PDZRN4: variants seen among roughly 807,000 people sequenced by gnomAD.
PDZRN4 encodes PDZ domain-containing RING finger protein 4.
Under a neutral mutation model 99.0 loss-of-function variants are expected in PDZRN4, and 70 were observed. The observed-to-expected ratio is 0.71, with a 90% confidence interval of 0.58 to 0.86. The LOEUF (loss-of-function observed/expected upper bound fraction) is 0.86, where lower values mean the gene tolerates loss of function less well. PDZRN4 is among the 40% of genes least tolerant of loss of function. The probability of loss-of-function intolerance (pLI) is 0.00; values close to 1 mark genes in which losing one functional copy is unlikely to be tolerated. For missense variants in PDZRN4, 1,474 were observed against 1,331.2 expected (o/e 1.11, Z -1.67); for synonymous variants, 551 against 501.6 (o/e 1.10, Z -1.32).
chr12:41,347,998 A>C (rs1565558503), intron 3 of PDZRN4, among the ~76,000 whole-genome samples: 1 of 152,162 alleles, frequency 6.6e-6, no homozygotes, highest in Non-Finnish European at 1.5e-5. Flanking sequence ...ACAAAGAACT[A>C]AGATGTAAAG....
At chr12:41,206,604 C>T (rs1349316640) in intron 3 of PDZRN4, among the ~76,000 whole-genome samples, 3 of 151,572 alleles carry the variant, frequency 2.0e-5, no homozygotes, top group Admixed American at 6.6e-5. Flanking sequence ...GTGCCTTCAA[C>T]ACCCAGTGGC....
chr12:41,274,162 G>C (rs1307834345), intron 3 of PDZRN4, among the ~76,000 whole-genome samples: 2 of 151,860 alleles, frequency 1.3e-5, no homozygotes, highest in African/African-American at 4.8e-5. Context: ...TCAAAAAGTA[G>C]GTCATCCTAA....
chr12:41,399,056 T>G (rs1451396487), intron 3 of PDZRN4, among the ~76,000 whole-genome samples: 1 of 152,154 alleles, frequency 6.6e-6, no homozygotes, highest in Non-Finnish European at 1.5e-5. Flanking sequence ...ATTTGAGTTA[T>G]TGGATCTTAG....
At chr12:41,487,880 C>G (rs147800442) in intron 3 of PDZRN4, among the ~76,000 whole-genome samples, 3 of 152,148 alleles carry the variant, frequency 2.0e-5, no homozygotes. Flanking sequence ...GAAAGTAGTT[C>G]TTCATTCGGT....
rs1952570956 is a variant in PDZRN4, at chr12:41,429,841, C to T, written c.844-76615C>T. 2.0e-5 allele frequency among the ~76,000 whole-genome samples: 3 copies of T among 149,264 alleles called. No homozygotes were observed. In the South Asian group the frequency reaches 6.2e-4, roughly 31 times the overall value. On this transcript the variant is annotated intron_variant, in intron 3 of 9. Transcript: ENST00000402685. ...TATTATCACTGCTGTACTTACACTACTATTCAATAAATACTGGTTGAATGA... is the reference window on the plus strand; with the variant it reads ...TATTATCACTGCTGTACTTACACTATTATTCAATAAATACTGGTTGAATGA...
At chr12:41,559,176 CACAT>C (rs1487819107) in intron 7 of PDZRN4, among the ~76,000 whole-genome samples, 2 of 92,910 alleles carry the variant, frequency 2.2e-5, no homozygotes, top group Non-Finnish European at 4.1e-5. Context: ...CACTCACACA[CACAT>C]ACATACACAC....
chr12:41,531,072 G>A (rs989141187), intron 5 of PDZRN4, among the ~76,000 whole-genome samples: 2 of 152,122 alleles, frequency 1.3e-5, no homozygotes, highest in South Asian at 2.1e-4. Flanking sequence ...TCTATAGGCT[G>A]CTTGTGTTAA....
chr12:41,487,797 C>G (rs1409073709), intron 3 of PDZRN4, among the ~76,000 whole-genome samples: 1 of 152,138 alleles, frequency 6.6e-6, no homozygotes, highest in Non-Finnish European at 1.5e-5. Context: ...CTCAGCCACC[C>G]TTAATGAGGA....
intron 3 of PDZRN4, among the ~76,000 whole-genome samples, chr12:41,295,022 G>A (rs1158670582): frequency 6.6e-6 from 1 of 152,080 alleles, no homozygotes; most frequent in Non-Finnish European, 1.5e-5. Context: ...AATCGCAGTA[G>A]CTCTGATTTC....
At chr12:41,191,607 A>C in intron 2 of PDZRN4, 63 bp downstream of exon 2, 1 of 775,630 alleles carries the variant, frequency 1.3e-6, no homozygotes, top group Admixed American at 2.2e-5. Flanking sequence ...AGCATTACTC[A>C]TTGCTTATAA....
At chr12:41,454,450 C>G (rs1189656993) in intron 3 of PDZRN4, among the ~76,000 whole-genome samples, 2 of 151,982 alleles carry the variant, frequency 1.3e-5, no homozygotes, top group Non-Finnish European at 2.9e-5. Flanking sequence ...TTACAAAATT[C>G]AAAATGAAAT....
chr12:41,448,042 T>A (rs1555143378), intron 3 of PDZRN4, among the ~76,000 whole-genome samples: 1 of 152,114 alleles, frequency 6.6e-6, no homozygotes, highest in Non-Finnish European at 1.5e-5. Context: ...ACTACTTCTT[T>A]CCCCATCATT....
intron 3 of PDZRN4, among the ~76,000 whole-genome samples, chr12:41,481,018 C>T (rs1256185685): frequency 6.6e-6 from 1 of 151,472 alleles, no homozygotes; most frequent in Non-Finnish European, 1.5e-5. Context: ...CTTCATTTTC[C>T]CCCCTCTGTA....
At chr12:41,417,261 C>T (rs12308926) in intron 3 of PDZRN4, among the ~76,000 whole-genome samples, 5,778 of 152,266 alleles carry the variant, frequency 0.038, 172 homozygotes, top group African/African-American at 0.087. Context: ...TTTCCTTCCT[C>T]TCACCAAGCT....
intron 3 of PDZRN4, among the ~76,000 whole-genome samples, chr12:41,424,541 G>A (rs895067446): frequency 6.6e-6 from 1 of 151,996 alleles, no homozygotes; most frequent in African/African-American, 2.4e-5. Flanking sequence ...CCTGTTACTT[G>A]GTTCAATGGA....
chr12:41,513,387 T>C (rs1377582053), intron 5 of PDZRN4, among the ~76,000 whole-genome samples: 2 of 152,078 alleles, frequency 1.3e-5, no homozygotes, highest in African/African-American at 2.4e-5. Context: ...AATTTCCACA[T>C]TGTGCTTCAG....
intron 5 of PDZRN4, among the ~76,000 whole-genome samples, chr12:41,516,707 G>A (rs1938406301): frequency 1.3e-5 from 2 of 151,828 alleles, no homozygotes; most frequent in Admixed American, 6.6e-5. Context: ...TGGTCTGTTA[G>A]GGTACCTATA....
intron 3 of PDZRN4, among the ~76,000 whole-genome samples, chr12:41,294,221 G>T (rs1951475130): frequency 6.6e-6 from 1 of 152,140 alleles, no homozygotes; most frequent in South Asian, 2.1e-4. Context: ...TCAAAGTCAG[G>T]CAGACCTGGG....
At chr12:41,373,865 T>C (rs1315916246) in intron 3 of PDZRN4, among the ~76,000 whole-genome samples, 1 of 152,150 alleles carries the variant, frequency 6.6e-6, no homozygotes, top group Non-Finnish European at 1.5e-5. Flanking sequence ...TAAGAAATTA[T>C]AAAAGTATTA....
Sources: gnomAD v4.1 joint callset for allele counts (sites outside exome capture counted in the v4.1 genomes callset) on GRCh38, gnomAD v4.1.1 for gene constraint, MANE v1.5 for transcripts, NCBI Gene and HGNC (gene_info 2026-07-23, HGNC 2026-07-21) for gene names.